The following STXBP5L variants were observed in gnomAD, a reference collection of about 807,000 sequenced individuals.
The protein encoded by STXBP5L is syntaxin binding protein 5L, also known as syntaxin-binding protein 5-like.
STXBP5L carries 65 observed loss-of-function variants against 144.5 expected under a neutral mutation model. That is an observed-to-expected ratio of 0.45 (90% CI 0.37 to 0.55). The LOEUF is 0.55. Among genes scored for constraint, STXBP5L ranks in the 20% least tolerant of loss-of-function variants. The pLI, the probability that STXBP5L is intolerant of heterozygous loss-of-function variation, is 0.00. For synonymous variants in STXBP5L, 505 were observed against 469.6 expected (o/e 1.08, Z -0.97); for missense variants, 1,298 against 1,405.5 (o/e 0.92, Z 1.22).
At chr3:121,306,638 G>A (rs1388127497) in intron 19 of STXBP5L, among the ~76,000 whole-genome samples, 4 of 152,106 alleles carry the variant, frequency 2.6e-5, no homozygotes, top group Non-Finnish European at 5.9e-5. Context: ...AAGCCTAAGT[G>A]TGCTCTCAAG....
chr3:121,321,238 GA>G (rs1442500804), intron 20 of STXBP5L, among the ~76,000 whole-genome samples: 6 of 152,072 alleles, frequency 3.9e-5, no homozygotes, highest in African/African-American at 7.2e-5. Context: ...AGGAATGAGA[GA>G]TTTTTTTTTC....
At chr3:120,911,309 G>C (rs1287364161) in intron 2 of STXBP5L, among the ~76,000 whole-genome samples, 2 of 152,098 alleles carry the variant, frequency 1.3e-5, no homozygotes, top group Non-Finnish European at 2.9e-5. Context: ...ATTCAGGCAA[G>C]AGATAGTCAT....
intron 7 of STXBP5L, among the ~76,000 whole-genome samples, chr3:121,128,416 G>A (rs117338510): frequency 5.6e-4 from 85 of 152,228 alleles, no homozygotes; most frequent in East Asian, 5.2e-3. Flanking sequence ...CCTTTTGACT[G>A]TGTTCCCTAG....
chr3:121,259,529 G>A (rs2050319245), intron 18 of STXBP5L, among the ~76,000 whole-genome samples: 1 of 151,922 alleles, frequency 6.6e-6, no homozygotes, highest in South Asian at 2.1e-4. Context: ...TGTCTGATCT[G>A]ATGGTAGATC....
At chr3:121,377,988 CAT>C (rs1313035673) in intron 20 of STXBP5L, among the ~76,000 whole-genome samples, 8 of 152,112 alleles carry the variant, frequency 5.3e-5, no homozygotes, top group Admixed American at 5.2e-4. Flanking sequence ...ACTATGCAGA[CAT>C]AAAAAAGAAT....
At chr3:121,195,179 T>A (rs954701845) in intron 9 of STXBP5L, among the ~76,000 whole-genome samples, 8 of 151,946 alleles carry the variant, frequency 5.3e-5, no homozygotes, top group African/African-American at 1.9e-4. Context: ...CCACCTCGGC[T>A]TCCCAAAGTG....
At chr3:121,241,035 T>G (rs2049648551) in intron 14 of STXBP5L, among the ~76,000 whole-genome samples, 3 of 152,232 alleles carry the variant, frequency 2.0e-5, no homozygotes, top group Middle Eastern at 6.8e-3. Context: ...GTAAATATAT[T>G]TTTTCCTATT....
At chr3:121,323,619 C>T (rs2044049287) in intron 20 of STXBP5L, among the ~76,000 whole-genome samples, 2 of 152,138 alleles carry the variant, frequency 1.3e-5, no homozygotes, top group African/African-American at 2.4e-5. Context: ...AAATAATTTC[C>T]AGTTTCTACA....
At chr3:121,349,264 G>A (rs186767892) in intron 20 of STXBP5L, among the ~76,000 whole-genome samples, 10 of 152,178 alleles carry the variant, frequency 6.6e-5, no homozygotes, top group East Asian at 1.9e-4. Context: ...GAAGTTGAGC[G>A]GTTTTGAGTG....
intron 9 of STXBP5L, among the ~76,000 whole-genome samples, chr3:121,173,627 A>G (rs2046819083): frequency 6.6e-6 from 1 of 152,062 alleles, no homozygotes. Flanking sequence ...TATTTTGTGT[A>G]TTATATGTAT....
At chr3:121,018,743 G>T (rs1027585936) in intron 3 of STXBP5L, among the ~76,000 whole-genome samples, 1 of 152,160 alleles carries the variant, frequency 6.6e-6, no homozygotes, top group African/African-American at 2.4e-5. Flanking sequence ...GGCACAAAAT[G>T]GCAGATAGGA....
intron 4 of STXBP5L, 110 bp downstream of exon 4, chr3:121,041,891 T>C: frequency 2.9e-6 from 2 of 685,522 alleles, no homozygotes; most frequent in Non-Finnish European, 5.1e-6. Flanking sequence ...TATATATGCA[T>C]GCAATATTAC....
intron 19 of STXBP5L, among the ~76,000 whole-genome samples, chr3:121,309,513 T>C (rs945588918): frequency 6.6e-6 from 1 of 151,910 alleles, no homozygotes; most frequent in Non-Finnish European, 1.5e-5. Context: ...CCTAACATGA[T>C]CAAAAAGAGA....
intron 9 of STXBP5L, among the ~76,000 whole-genome samples, chr3:121,161,494 T>C (rs1223422299): frequency 2.0e-5 from 3 of 151,988 alleles, no homozygotes; most frequent in Admixed American, 1.3e-4. Context: ...ATTTGACTAC[T>C]TTATGTCTAG....
At chr3:121,131,221 G>T (rs1238955939) in intron 7 of STXBP5L, among the ~76,000 whole-genome samples, 1 of 152,052 alleles carries the variant, frequency 6.6e-6, no homozygotes, top group East Asian at 1.9e-4. Flanking sequence ...TAAAACTAAG[G>T]ACATTTTTAA....
intron 3 of STXBP5L, among the ~76,000 whole-genome samples, chr3:120,970,472 C>A (rs531739772): frequency 2.1e-4 from 32 of 152,094 alleles, no homozygotes; most frequent in Non-Finnish European, 3.4e-4. Flanking sequence ...GCAATTTTTC[C>A]CATCTCTTTT....
chr3:121,212,726 A>T (rs2108261221), intron 10 of STXBP5L, among the ~76,000 whole-genome samples: 1 of 152,322 alleles, frequency 6.6e-6, no homozygotes, highest in African/African-American at 2.4e-5. Flanking sequence ...TGAAATTTAA[A>T]GTAGCTTTTT....
intron 5 of STXBP5L, among the ~76,000 whole-genome samples, chr3:121,047,330 C>T (rs1947588240): frequency 6.6e-6 from 1 of 151,682 alleles, no homozygotes; most frequent in South Asian, 2.1e-4. Flanking sequence ...ATATTCTGTT[C>T]CTTTTGGGTA....
intron 22 of STXBP5L, among the ~76,000 whole-genome samples, chr3:121,397,777 G>A (rs1014500712): frequency 1.3e-5 from 2 of 152,268 alleles, no homozygotes; most frequent in Middle Eastern, 6.8e-3. Context: ...ATTATAATTG[G>A]TTGAATAGTC....
Sources: allele counts gnomAD v4.1 joint callset (sites outside exome capture counted in the v4.1 genomes callset), GRCh38; gene constraint gnomAD v4.1.1; transcripts MANE v1.5; gene names NCBI Gene and HGNC (gene_info 2026-07-23, HGNC 2026-07-21).